The following POU5F1 variants were observed in gnomAD, a reference collection of about 807,000 sequenced individuals.
POU5F1 encodes POU class 5 homeobox 1.
Under a neutral mutation model 38.3 loss-of-function variants are expected in POU5F1, and 6 were observed. That is an observed-to-expected ratio of 0.16 (90% confidence interval 0.09 to 0.31). The LOEUF is 0.31. Ranked by LOEUF, POU5F1 falls within the 10% of genes least tolerant of loss-of-function variation. The probability of loss-of-function intolerance (pLI) is 1.00; values close to 1 mark genes in which losing one functional copy is unlikely to be tolerated. For synonymous variants in POU5F1, 147 were observed against 194.9 expected (o/e 0.75, Z 2.05); for missense variants, 286 against 462.6 (o/e 0.62, Z 3.50).
chr6:31,169,566 G>C (rs929895475), intron 1 of POU5F1, among the ~76,000 whole-genome samples: 12 of 152,062 alleles, frequency 7.9e-5, no homozygotes, highest in African/African-American at 2.4e-4. Context: ...GCCAGGGTGT[G>C]CACCTTAACA....
At chr6:31,167,048 T>TAA in intron 1 of POU5F1, 1 of 579,940 alleles carries the variant, frequency 1.7e-6, no homozygotes, top group Admixed American at 2.2e-5. Context: ...GCACCTTCTA[T>TAA]AAGCCAGCGG....
At chr6:31,169,198 G>C (rs889626238) in intron 1 of POU5F1, among the ~76,000 whole-genome samples, 1 of 152,140 alleles carries the variant, frequency 6.6e-6, no homozygotes, top group African/African-American at 2.4e-5. Context: ...AGATAATGAT[G>C]TATAAACGGA....
intron 4 of POU5F1, 40 bp from the exon 5 acceptor site, chr6:31,164,907 T>C (rs1777095036): frequency 6.6e-7 from 1 of 1,525,136 alleles, no homozygotes; most frequent in South Asian, 1.1e-5. Context: ...CATTAGACAA[T>C]GAGCTGAGAC....
In POU5F1 at chr6:31,165,696, C is replaced by T. The variant is rs1329745808; in HGVS notation, c.532G>A (p.Val178Ile). 1 of 1,611,448 alleles carries T rather than the reference C, an allele frequency of 6.2e-7. No homozygotes were observed. Among genetic ancestry groups the T allele is most frequent in the East Asian group, 2.2e-5 (1 of 44,850 alleles). ...CGGCAGATGGTCGTTTGGCTGAATA[C>T]CTTCCCTGGGGGAGGCCAGTCAAAA... ...GLTLGVLFGKVFSQTTICRFE... is the reference protein window; with the variant it reads ...GLTLGVLFGKIFSQTTICRFE... The change falls in exon 3 of 5, where the codon GTA becomes ATA. Residue 178 changes from valine to isoleucine, a missense_variant. By Grantham distance (29) the Val-to-Ile change is conservative. Coordinates refer to ENST00000259915, the MANE Select transcript of POU5F1 (RefSeq NM_002701.6). This position sits in a 1 kb window ranked among gnomAD's most constrained non-coding sequence, Gnocchi z 6.5.
chr6:31,169,913 G>T, intron 1 of POU5F1: 1 of 534,202 alleles, frequency 1.9e-6, no homozygotes, highest in South Asian at 2.3e-5. Flanking sequence ...CCTAGGAGAT[G>T]TGAGAGACCC....
intron 1 of POU5F1, 120 bp from the exon 2 acceptor site, chr6:31,166,167 T>C: frequency 6.2e-7 from 1 of 1,605,150 alleles, no homozygotes; most frequent in Non-Finnish European, 8.5e-7. Flanking sequence ...TAGAAGTGCC[T>C]CTGCCTTCCA....
In POU5F1 at chr6:31,165,048, A is replaced by C; in HGVS notation, c.816+80T>G. 1.3e-6 allele frequency: 2 copies of C among 1,561,942 alleles called. No homozygotes were observed. Among genetic ancestry groups the C allele is most frequent in the Non-Finnish European group, 1.7e-6 (2 of 1,152,844 alleles). ...TGTCCAAAGCCAACAGCCCTAGAGC[A>C]GTTGGAGGAGCCAGAGCTAGGGAAA... On this transcript the variant is annotated intron_variant, in intron 4 of 4. Coordinates refer to ENST00000259915, the MANE Select transcript of POU5F1 (RefSeq NM_002701.6). This position sits in a 1 kb window ranked among gnomAD's most constrained non-coding sequence, Gnocchi z 6.5.
chr6:31,169,055 T>C (rs3132523), intron 1 of POU5F1, among the ~76,000 whole-genome samples: 118,265 of 152,192 alleles, frequency 0.78, 46,194 homozygotes, highest in Middle Eastern at 0.86. Context: ...CTCTGCTATC[T>C]TGGATTTTCC....
chr6:31,170,471 C>G lies in POU5F1; in HGVS notation c.150G>C (p.Gly50=). ...GPPGGPGIGP[G]VGPGSEVWGI... Reference sequence around the variant, plus strand: ...CCCACACCTCAGAGCCTGGCCCAACCCCCGGCCCGATTCCTGGCCCTCCAG... The same window carrying G: ...CCCACACCTCAGAGCCTGGCCCAACGCCCGGCCCGATTCCTGGCCCTCCAG... The change falls in exon 1 of 5, where the codon GGG becomes GGC. Residue 50 remains glycine, a synonymous_variant. Transcript: ENST00000259915. 1 of 1,605,810 alleles carries G rather than the reference C, an allele frequency of 6.2e-7. No individual in the cohort carries two copies. The highest frequency in any genetic ancestry group is 8.5e-7 in the Non-Finnish European group (1 of 1,176,964).
chr6:31,164,883 A>G lies in POU5F1; in HGVS notation c.817-16T>C. 2.5e-6 allele frequency: 4 copies of G among 1,601,160 alleles called. No individual in the cohort carries two copies. Among genetic ancestry groups the G allele is most frequent in the African/African-American group, 1.4e-5 (1 of 71,288 alleles). Reference sequence around the variant, plus strand: ...CTCGGACCACCTGCAAGTGAATGACAGAAAGGAGAATGACATTAGACAATG... The same window carrying G: ...CTCGGACCACCTGCAAGTGAATGACGGAAAGGAGAATGACATTAGACAATG... On this transcript the variant is annotated splice_polypyrimidine_tract_variant and intron_variant, in intron 4 of 4. Transcript: ENST00000259915.
At chr6:31,164,932 T>C in intron 4 of POU5F1, 65 bp from the exon 5 acceptor site, 1 of 1,574,026 alleles carries the variant, frequency 6.4e-7, no homozygotes, top group Non-Finnish European at 8.6e-7. Flanking sequence ...CTGACTCTGC[T>C]TGGACATTCT....
rs1159152310 is a variant in POU5F1 at position 31,166,340 on chromosome 6, T to TTGA, written c.406-294_406-293insTCA. On this transcript the variant is annotated intron_variant, in intron 1 of 4. Coordinates refer to ENST00000259915, the MANE Select transcript of POU5F1 (RefSeq NM_002701.6). ...AAGGACAGAAAGAGAGACCCTGGCC[T>TTGA]CGAGAACACCTGTCAGGTTATGAAG... 6.0e-6 allele frequency: 8 copies of TTGA among 1,324,206 alleles called. No individual in the cohort carries two copies. In the African/African-American group the frequency reaches 1.1e-4, roughly 18 times the overall value. The allele number at this position is 1,324,206 out of a possible 1,614,324, so 82.0% of individuals were successfully genotyped here.
At chr6:31,168,920 CA>C (rs994193058) in intron 1 of POU5F1, among the ~76,000 whole-genome samples, 1 of 152,146 alleles carries the variant, frequency 6.6e-6, no homozygotes, top group Non-Finnish European at 1.5e-5. Context: ...GAGAAAAAAA[CA>C]AGGCCTTTTT....
chr6:31,165,167 C>T lies in POU5F1; in HGVS notation c.777G>A (p.Gln259=). 1 of 1,609,796 alleles carries T rather than the reference C, an allele frequency of 6.2e-7. No individual in the cohort carries two copies. Among genetic ancestry groups the T allele is most frequent in the Non-Finnish European group, 8.5e-7 (1 of 1,178,414 alleles). The part of the protein sequence containing the change: ...FLQCPKPTLQ[Q]ISHIAQQLGL... Reference sequence around the variant, plus strand: ...CAAGCTGCTGGGCGATGTGGCTGATCTGCTGCAGTGTGGGTTTCGGGCACT... The same window carrying T: ...CAAGCTGCTGGGCGATGTGGCTGATTTGCTGCAGTGTGGGTTTCGGGCACT... Residue 259 remains glutamine, a synonymous_variant, in exon 4 of 5, where the codon CAG becomes CAA. Transcript: ENST00000259915. The surrounding 1 kb of genome is among the most constrained non-coding windows in gnomAD (Gnocchi z 6.5).
intron 1 of POU5F1, chr6:31,166,691 A>G: frequency 8.5e-7 from 1 of 1,178,438 alleles, no homozygotes; most frequent in Non-Finnish European, 1.1e-6. Flanking sequence ...AGTTCATTTA[A>G]TACCTGCAAA....
rs1199796735 is a variant in POU5F1, at chr6:31,165,724, G to A, written c.527-23C>T. ...TCCCTGGGGGAGGCCAGTCAAAAGA[G>A]AAGCAAAGTGAGGGAGCACGCAGGG... On this transcript the variant is annotated intron_variant, in intron 2 of 4. Transcript: ENST00000259915. This position sits in a 1 kb window ranked among gnomAD's most constrained non-coding sequence, Gnocchi z 6.5. 5.0e-6 allele frequency: 8 copies of A among 1,600,378 alleles called. No homozygotes were observed. Among genetic ancestry groups the A allele is most frequent in the South Asian group, 2.2e-5 (2 of 89,318 alleles).
Position 31,165,025 on chromosome 6 carries a change from T to C in POU5F1, c.816+103A>G. The C allele has an allele frequency of 6.4e-7, 1 of 1,552,570 alleles. No individual in the cohort carries two copies. ...CAGGCCTGACTGCTTGGACATTCTG[T>C]CCAAAGCCAACAGCCCTAGAGCAGT... On this transcript the variant is annotated intron_variant, in intron 4 of 4. Transcript: ENST00000259915. The surrounding 1 kb of genome is among the most constrained non-coding windows in gnomAD (Gnocchi z 6.5).
Position 31,165,568 on chromosome 6 carries a change from T to C in POU5F1, c.657+3A>G, listed in dbSNP as rs2151103119. The C allele has an allele frequency of 6.2e-7, 1 of 1,613,866 alleles. No individual in the cohort carries two copies. Among genetic ancestry groups the C allele is most frequent in the Non-Finnish European group, 8.5e-7 (1 of 1,180,028 alleles). ...TCCCCGGGTATCCCCCTCCCACCCT[T>C]ACCTCCTGAAGATTTTCATTGTTGT... is the stretch of plus-strand genomic sequence containing the variant. On this transcript the variant is annotated splice_donor_region_variant and intron_variant, in intron 3 of 4. Coordinates refer to ENST00000259915, the MANE Select transcript of POU5F1 (RefSeq NM_002701.6). This position sits in a 1 kb window ranked among gnomAD's most constrained non-coding sequence, Gnocchi z 6.5.
In POU5F1 at chr6:31,170,660, G is replaced by C. The variant is rs775039003; in HGVS notation, c.-40C>G. ...CCCCAAGCCGGGGGCCTGGTGAAAT[G>C]AGGGCTTGCGAAGGGACTACTCAAC... On this transcript the variant is annotated 5_prime_UTR_variant, in exon 1 of 5. Transcript: ENST00000259915. 4.6e-5 allele frequency: 70 copies of C among 1,518,582 alleles called. No homozygotes were observed. The highest frequency in any genetic ancestry group is 4.5e-4 in the Middle Eastern group (2 of 4,414). 94.1% of individuals were successfully genotyped at this position (1,518,582 alleles called of 1,614,324 possible). A position where few individuals can be genotyped will look rare whatever the true frequency, so the allele number is the denominator to read the frequency against.
Sources: gnomAD v4.1 joint callset for allele counts (sites outside exome capture counted in the v4.1 genomes callset) on GRCh38, gnomAD v4.1.1 for gene constraint, Gnocchi (gnomAD v3.1) non-coding constraint, MANE v1.5 for transcripts, NCBI Gene and HGNC (gene_info 2026-07-23, HGNC 2026-07-21) for gene names.